Variants in DLGAP5 observed in about 807,000 individuals in gnomAD.
DLGAP5 encodes disks large-associated protein 5.
DLGAP5 carries 90 observed loss-of-function variants against 99.6 expected under a neutral mutation model. The observed-to-expected ratio is 0.90, with a 90% CI of 0.76 to 1.08. DLGAP5 has a LOEUF of 1.08. Ranked by LOEUF, DLGAP5 falls within the 50% of genes least tolerant of loss-of-function variation. The pLI is 0.00. For synonymous variants in DLGAP5, 311 were observed against 321.3 expected, an observed-to-expected ratio of 0.97 and a Z score of 0.34; for missense variants, 1,036 against 983.5, an observed-to-expected ratio of 1.05 and a Z score of -0.71.
rs186723335 is a variant in DLGAP5 at position 55,177,134 on chromosome 14, G to A, written c.977C>T (p.Thr326Ile). 74 of 1,593,912 alleles carry A rather than the reference G, an allele frequency of 4.6e-5. No homozygotes were observed. In the East Asian group the frequency reaches 1.6e-3, roughly 35 times the overall value. Residue 326 changes from threonine (T) to isoleucine (I), a missense_variant, in exon 8 of 19, where the codon ACA becomes ATA. Transcript: ENST00000247191. ...PLDGLKTYQV[T>I]PMTPRSANAF... Reference sequence around the variant, plus strand: ...ATTGGCACTTCTGGGAGTCATAGGTGTTACTTGATAGGTCTTCAGACCATC... The same window carrying A: ...ATTGGCACTTCTGGGAGTCATAGGTATTACTTGATAGGTCTTCAGACCATC...
chr14:55,162,064 C>G (rs1882463514), intron 13 of DLGAP5, among the ~76,000 whole-genome samples: 1 of 151,542 alleles, frequency 6.6e-6, no homozygotes, highest in Admixed American at 6.6e-5. Context: ...TAAAGAAAAA[C>G]TGACAATGCT....
intron 10 of DLGAP5, among the ~76,000 whole-genome samples, chr14:55,174,550 T>C (rs1332619352): frequency 6.6e-6 from 1 of 152,182 alleles, no homozygotes; most frequent in African/African-American, 2.4e-5. Flanking sequence ...CCTACCGACA[T>C]GTGATGTCTC....
At chr14:55,161,463 G>A (rs1882431405) in intron 13 of DLGAP5, among the ~76,000 whole-genome samples, 3 of 138,916 alleles carry the variant, frequency 2.2e-5, no homozygotes, top group Non-Finnish European at 4.6e-5. Context: ...AGGCTGGAAT[G>A]CAATGGCGTG....
At chr14:55,167,187 G>A (rs1882673094) in intron 12 of DLGAP5, among the ~76,000 whole-genome samples, 3 of 150,132 alleles carry the variant, frequency 2.0e-5, no homozygotes, top group Admixed American at 1.3e-4. Flanking sequence ...CCAGGAGGCA[G>A]AGGTTACAGT....
intron 15 of DLGAP5, 33 bp from the exon 16 acceptor site, chr14:55,152,680 A>G (rs374502341): frequency 2.6e-6 from 4 of 1,533,568 alleles, no homozygotes; most frequent in African/African-American, 1.4e-5. Flanking sequence ...TTACACTCAT[A>G]AACATATTGT....
intron 17 of DLGAP5, among the ~76,000 whole-genome samples, chr14:55,151,067 A>T (rs548464829): frequency 6.6e-6 from 1 of 152,350 alleles, no homozygotes; most frequent in African/African-American, 2.4e-5. Flanking sequence ...TGCTTGTAAC[A>T]TTAAAGGTAC....
In DLGAP5 at chr14:55,183,854, G is replaced by A; in HGVS notation, c.239-101C>T. The A allele has an allele frequency of 2.4e-6, 3 of 1,235,542 alleles. No homozygotes were observed. In the South Asian group the frequency reaches 5.4e-5, roughly 22 times the overall value. 76.5% of individuals were successfully genotyped at this position (1,235,542 alleles called of 1,614,324 possible). On this transcript the variant is annotated intron_variant, in intron 2 of 18. Coordinates refer to ENST00000247191, the MANE Select transcript of DLGAP5 (RefSeq NM_014750.5). ...TTATTTTTGTGTCATTTCAACTGCTGCTAAAAAATGCTTTCAGGCCAGGCA... is the reference window on the plus strand; with the variant it reads ...TTATTTTTGTGTCATTTCAACTGCTACTAAAAAATGCTTTCAGGCCAGGCA...
intron 14 of DLGAP5, 61 bp downstream of exon 14, chr14:55,158,461 A>T: frequency 7.0e-7 from 1 of 1,436,832 alleles, no homozygotes; most frequent in Non-Finnish European, 9.5e-7. Flanking sequence ...ATCTATCCCA[A>T]ATATTTCTCT....
At position 55,183,701 on chromosome 14, in the gene DLGAP5, G is replaced by A; in HGVS notation, c.291C>T (p.Tyr97=). The A allele has an allele frequency of 1.9e-6, 3 of 1,608,022 alleles. No individual in the cohort carries two copies. Among genetic ancestry groups the A allele is most frequent in the Non-Finnish European group, 2.5e-6 (3 of 1,177,862 alleles). The change falls in exon 3 of 19, where the codon TAC becomes TAT. Residue 97 remains tyrosine, a synonymous_variant. Transcript: ENST00000247191. The part of the protein sequence containing the change: ...GDQRKQMLQK[Y]KEEKQLQKLK... ...ATTTTTGAAGTTGCTTTTCTTCTTT[G>A]TATTTTTGGAGCATCTGTTTTCGTT...
At chr14:55,181,556 T>C (rs948168825) in intron 4 of DLGAP5, among the ~76,000 whole-genome samples, 4 of 152,196 alleles carry the variant, frequency 2.6e-5, no homozygotes, top group African/African-American at 9.7e-5. Context: ...TCACTATAAC[T>C]TGCCTTCTGA....
At chr14:55,175,825 A>C in intron 9 of DLGAP5, 69 bp downstream of exon 9, 1 of 1,344,442 alleles carries the variant, frequency 7.4e-7, no homozygotes, top group Non-Finnish European at 1.0e-6. Flanking sequence ...TAATTACTAT[A>C]CCTGAAAGCA....
chr14:55,189,496 A>G (rs1883537994), intron 1 of DLGAP5, among the ~76,000 whole-genome samples: 1 of 152,200 alleles, frequency 6.6e-6, no homozygotes, highest in Admixed American at 6.5e-5. Context: ...AGGTGAAAAT[A>G]GGTTAAGTGA....
rs565812244 is a variant in DLGAP5, at chr14:55,150,128, T to C, written c.2418+671A>G. 4.3e-4 allele frequency among the ~76,000 whole-genome samples: 66 copies of C among 152,058 alleles called. No homozygotes were observed. In the South Asian group the frequency reaches 0.013, roughly 30 times the overall value. ...ATAAACAGCAGGAAAGAGAGCACTA[T>C]TTAATTCGTGCCATAGTGCCAGTAT... On this transcript the variant is annotated intron_variant, in intron 18 of 18. Transcript: ENST00000247191.
rs1881886618 is a variant in DLGAP5 at position 55,148,191 on chromosome 14, A to G, written c.*160T>C. On this transcript the variant is annotated 3_prime_UTR_variant, in exon 19 of 19. Transcript: ENST00000247191. Reference sequence around the variant, plus strand: ...GTACAAAATATCCCCACTTCCCTTGAGAAAGAGTATATCTAAAATACACTT... The same window carrying G: ...GTACAAAATATCCCCACTTCCCTTGGGAAAGAGTATATCTAAAATACACTT... 2 of 716,524 alleles carry G rather than the reference A, an allele frequency of 2.8e-6. No individual in the cohort carries two copies. The highest frequency in any genetic ancestry group is 1.8e-5 in the African/African-American group (1 of 55,280). The allele number at this position is 716,524 out of a possible 1,614,324, so 44.4% of individuals were successfully genotyped here. A position where few individuals can be genotyped will look rare whatever the true frequency, so the allele number is the denominator to read the frequency against.
chr14:55,162,932 T>G, intron 13 of DLGAP5, 39 bp downstream of exon 13: 1 of 961,378 alleles, frequency 1.0e-6, no homozygotes, highest in Non-Finnish European at 1.5e-6. Flanking sequence ...GTTCCTTAAC[T>G]AAAAAAAAAA....
chr14:55,148,504 G>A lies in DLGAP5; in HGVS notation c.2419-31C>T, dbSNP rs757735451. ...GAACAAATCCAGAGAAGTCAGTAAA[G>A]TATCCATCAAGAGTTTCACCAATTA... On this transcript the variant is annotated intron_variant, in intron 18 of 18. Transcript: ENST00000247191. 2.5e-6 allele frequency: 4 copies of A among 1,613,534 alleles called. No individual in the cohort carries two copies. In the South Asian group the frequency reaches 4.4e-5, roughly 18 times the overall value.
At chr14:55,180,196 A>AC (rs1164885391) in intron 6 of DLGAP5, among the ~76,000 whole-genome samples, 3 of 152,080 alleles carry the variant, frequency 2.0e-5, no homozygotes, top group Non-Finnish European at 2.9e-5. Flanking sequence ...ATGACAAATC[A>AC]CCCAGGATTC....
chr14:55,182,780 C>T lies in DLGAP5; in HGVS notation c.433-348G>A, dbSNP rs115211524. Among the ~76,000 whole-genome samples the T allele has an allele frequency of 7.0e-3, 1,063 of 152,168 alleles. 12 individuals carry two copies. The highest frequency in any genetic ancestry group is 0.024 in the African/African-American group (1,006 of 41,494). On this transcript the variant is annotated intron_variant, in intron 3 of 18. Coordinates refer to ENST00000247191, the MANE Select transcript of DLGAP5 (RefSeq NM_014750.5). ...CCTACCTAAAAGTGCTCTCTAGAGC[C>T]CACTTTTTCATAATTTTATATATCC...
chr14:55,166,363 T>A (rs1330346648), intron 12 of DLGAP5, among the ~76,000 whole-genome samples: 2 of 152,128 alleles, frequency 1.3e-5, no homozygotes, highest in Non-Finnish European at 2.9e-5. Context: ...GTAAGTAGAT[T>A]AGTGGTTGCC....
Sources: gnomAD v4.1 joint callset for allele counts (sites outside exome capture counted in the v4.1 genomes callset) on GRCh38, gnomAD v4.1.1 for gene constraint, MANE v1.5 for transcripts, NCBI Gene and HGNC (gene_info 2026-07-23, HGNC 2026-07-21) for gene names.